The following TMEM11 variants were observed in gnomAD, a reference collection of about 807,000 sequenced individuals.
TMEM11 encodes transmembrane protein 11, also known as transmembrane protein 11, mitochondrial.
Under a neutral mutation model 17.0 loss-of-function variants are expected in TMEM11, and 1 was observed. The ratio of observed to expected loss-of-function variants is 0.06; its 90% CI spans 0.02 to 0.28. TMEM11 has a LOEUF of 0.28. Ranked by LOEUF, TMEM11 falls within the 10% of genes least tolerant of loss-of-function variation. TMEM11 has a pLI of 1.00. For missense variants in TMEM11, 172 were observed against 252.9 expected (o/e 0.68, Z 2.17); for synonymous variants, 122 against 118.1 (o/e 1.03, Z -0.21).
intron 1 of TMEM11, among the ~76,000 whole-genome samples, chr17:21,212,003 G>A (rs1009884057): frequency 1.3e-5 from 2 of 152,128 alleles, no homozygotes; most frequent in African/African-American, 4.8e-5. Flanking sequence ...ATCACCAACT[G>A]AGCAGGAATG....
At chr17:21,208,581 G>C (rs950522173) in intron 1 of TMEM11, 7 of 152,280 alleles carry the variant, frequency 4.6e-5, no homozygotes, top group African/African-American at 1.7e-4. Context: ...CGTTTCCCTT[G>C]AGCAAACACT....
chr17:21,201,539 C>G (rs1285852191), intron 1 of TMEM11, among the ~76,000 whole-genome samples: 1 of 152,076 alleles, frequency 6.6e-6, no homozygotes, highest in African/African-American at 2.4e-5. Flanking sequence ...GAGGGTTTTC[C>G]TTCTAAAGTT....
Position 21,198,668 on chromosome 17 carries a change from T to C in TMEM11, c.235A>G (p.Asn79Asp), listed in dbSNP as rs1314466945. The C allele has an allele frequency of 6.2e-7, 1 of 1,614,010 alleles. No homozygotes were observed. ...AGCACGGCCGTCTTGTGCAGGCAGT[T>C]GCCCACGGTGATCCAGCGGGCTGTC... Reference protein sequence around the residue: ...DETARWITVGNCLHKTAVLAG... With the variant: ...DETARWITVGDCLHKTAVLAG... Residue 79 changes from asparagine to aspartate, a missense_variant, in exon 2 of 2, where the codon AAC (asparagine) becomes GAC (aspartate). This residue lies in a region of TMEM11 where 123 missense variants were observed against 213.6 expected (regional missense o/e 0.58). Transcript: ENST00000317635. This position sits in a 1 kb window ranked among gnomAD's most constrained non-coding sequence, Gnocchi z 6.5.
At chr17:21,213,860 A>T in intron 1 of TMEM11, 1 of 514,466 alleles carries the variant, frequency 1.9e-6, no homozygotes, top group South Asian at 2.3e-5. Flanking sequence ...GCCGCTGCCT[A>T]CCTTACTCAG....
intron 1 of TMEM11, chr17:21,213,741 G>C: frequency 3.5e-6 from 1 of 288,638 alleles, no homozygotes; most frequent in Non-Finnish European, 6.5e-6. Flanking sequence ...CAGGCGGGAA[G>C]GGTGCTTCAG....
intron 1 of TMEM11, among the ~76,000 whole-genome samples, chr17:21,203,552 C>CA (rs1438503519): frequency 6.6e-6 from 1 of 151,978 alleles, no homozygotes; most frequent in Admixed American, 6.6e-5. Flanking sequence ...CCGTCTTTAC[C>CA]AAAAATTAGC....
intron 1 of TMEM11, among the ~76,000 whole-genome samples, chr17:21,209,461 G>A (rs1197007743): frequency 1.3e-5 from 2 of 152,174 alleles, no homozygotes; most frequent in Non-Finnish European, 2.9e-5. Flanking sequence ...ATTAAAATTA[G>A]ACATCTTAAA....
intron 1 of TMEM11, among the ~76,000 whole-genome samples, chr17:21,211,755 T>C (rs1356478648): frequency 6.6e-6 from 1 of 152,196 alleles, no homozygotes; most frequent in Non-Finnish European, 1.5e-5. Context: ...CCAAACCAGA[T>C]AATGTTTCCC....
chr17:21,211,927 C>T (rs1406393142), intron 1 of TMEM11, among the ~76,000 whole-genome samples: 1 of 152,216 alleles, frequency 6.6e-6, no homozygotes, highest in African/African-American at 2.4e-5. Flanking sequence ...GCCAATAATA[C>T]ACTCAGATCT....
intron 1 of TMEM11, chr17:21,208,689 G>C (rs1326350958): frequency 6.6e-6 from 1 of 152,280 alleles, no homozygotes; most frequent in African/African-American, 2.4e-5. Context: ...GCCCCTTCTT[G>C]GAGTGGGGCC....
chr17:21,208,335 C>T (rs1489634228), intron 1 of TMEM11: 1 of 152,102 alleles, frequency 6.6e-6, no homozygotes, highest in African/African-American at 2.4e-5. Context: ...TAAACTTATT[C>T]TTAAAAAGAA....
intron 1 of TMEM11, among the ~76,000 whole-genome samples, chr17:21,206,283 G>A (rs890602522): frequency 7.2e-5 from 11 of 152,126 alleles, no homozygotes; most frequent in Admixed American, 6.5e-4. Flanking sequence ...GCGCAATGGC[G>A]CTATCTCGAC....
At chr17:21,209,249 G>C (rs960407230) in intron 1 of TMEM11, among the ~76,000 whole-genome samples, 2 of 152,330 alleles carry the variant, frequency 1.3e-5, no homozygotes, top group African/African-American at 4.8e-5. Flanking sequence ...TGGGAGTCGA[G>C]AGGGTGGATT....
intron 1 of TMEM11, among the ~76,000 whole-genome samples, chr17:21,210,485 C>T (rs1453374897): frequency 6.6e-6 from 1 of 152,136 alleles, no homozygotes; most frequent in Non-Finnish European, 1.5e-5. Context: ...TGGAGTCTTT[C>T]AAGAGAGATT....
intron 1 of TMEM11, among the ~76,000 whole-genome samples, chr17:21,200,566 T>C (rs1250680617): frequency 2.0e-5 from 3 of 152,128 alleles, no homozygotes; most frequent in East Asian, 1.9e-4. Context: ...GTCGGACCCA[T>C]CTGACTAAAG....
intron 1 of TMEM11, among the ~76,000 whole-genome samples, chr17:21,212,426 C>T (rs1262822918): frequency 6.6e-6 from 1 of 152,184 alleles, no homozygotes; most frequent in Non-Finnish European, 1.5e-5. Flanking sequence ...GAACCAAGCA[C>T]TTGTCCCGAC....
intron 1 of TMEM11, among the ~76,000 whole-genome samples, chr17:21,211,758 T>A (rs937625558): frequency 2.0e-5 from 3 of 152,226 alleles, no homozygotes; most frequent in African/African-American, 7.2e-5. Flanking sequence ...AACCAGATAA[T>A]GTTTCCCTCA....
intron 1 of TMEM11, among the ~76,000 whole-genome samples, chr17:21,209,059 T>C (rs916738031): frequency 2.6e-5 from 4 of 152,210 alleles, no homozygotes; most frequent in Non-Finnish European, 5.9e-5. Flanking sequence ...TGAAAGCCCG[T>C]GCCCCAGACT....
At chr17:21,203,945 G>A (rs1426169690) in intron 1 of TMEM11, among the ~76,000 whole-genome samples, 1 of 122,356 alleles carries the variant, frequency 8.2e-6, no homozygotes, top group Non-Finnish European at 1.7e-5. Context: ...TGGTGCATGG[G>A]AGATCTTTTT....
Sources: gnomAD v4.1 joint callset for allele counts (sites outside exome capture counted in the v4.1 genomes callset) on GRCh38, gnomAD v4.1.1 for gene constraint, gnomAD v4.1.1 regional missense constraint, Gnocchi (gnomAD v3.1) non-coding constraint, MANE v1.5 for transcripts, NCBI Gene and HGNC (gene_info 2026-07-23, HGNC 2026-07-21) for gene names.